The following SORBS2 variants were observed in gnomAD, a reference collection of about 807,000 sequenced individuals.
SORBS2 encodes sorbin and SH3 domain-containing protein 2.
SORBS2 carries 46 observed loss-of-function variants against 97.7 expected under a neutral mutation model. That is an observed-to-expected ratio of 0.47 (90% CI 0.37 to 0.60). SORBS2 has a LOEUF of 0.60. SORBS2 is among the 20% of genes least tolerant of loss of function. SORBS2 has a pLI of 0.00. For missense variants in SORBS2, 1,316 were observed against 1,282.3 expected, an observed-to-expected ratio of 1.03 and a Z score of -0.40; for synonymous variants, 476 against 473.4, an observed-to-expected ratio of 1.01 and a Z score of -0.07.
chr4:185,753,128 A>G (rs1371943868), intron 2 of SORBS2, among the ~76,000 whole-genome samples: 2 of 152,266 alleles, frequency 1.3e-5, no homozygotes, highest in Non-Finnish European at 2.9e-5. Flanking sequence ...GAGGAAGTGC[A>G]TTCAGTGCAG....
intron 1 of SORBS2, among the ~76,000 whole-genome samples, chr4:185,886,628 T>C (rs2099239806): frequency 6.6e-6 from 1 of 151,140 alleles, no homozygotes. Context: ...GGTCTGGTTC[T>C]GCTCTGCTAT....
intron 1 of SORBS2, among the ~76,000 whole-genome samples, chr4:185,890,409 A>G (rs1319387041): frequency 6.6e-6 from 1 of 152,156 alleles, no homozygotes; most frequent in Non-Finnish European, 1.5e-5. Context: ...TCTTATCCTG[A>G]CAAGAAGACT....
intron 1 of SORBS2, among the ~76,000 whole-genome samples, chr4:185,777,469 C>A (rs1297180619): frequency 1.3e-5 from 2 of 152,026 alleles, no homozygotes; most frequent in East Asian, 3.8e-4. Flanking sequence ...GGGTATAATG[C>A]ATTTAAATAT....
chr4:185,672,070 A>T (rs1260239945), intron 4 of SORBS2, among the ~76,000 whole-genome samples: 2 of 152,242 alleles, frequency 1.3e-5, no homozygotes. Context: ...AGGAAGCCAT[A>T]CTAATGGAAG....
At chr4:185,767,448 C>T (rs1478143929) in intron 2 of SORBS2, among the ~76,000 whole-genome samples, 2 of 133,792 alleles carry the variant, frequency 1.5e-5, no homozygotes, top group Admixed American at 8.5e-5. Flanking sequence ...TGCAGTGAGC[C>T]GAGATCGCGC....
At chr4:185,817,881 T>C (rs1291525444) in intron 1 of SORBS2, among the ~76,000 whole-genome samples, 4 of 152,186 alleles carry the variant, frequency 2.6e-5, no homozygotes. Context: ...GAAGTGCTTC[T>C]GAAATACATG....
chr4:185,697,996 C>T (rs7678901), intron 2 of SORBS2, among the ~76,000 whole-genome samples: 49,991 of 151,966 alleles, frequency 0.33, 9,002 homozygotes, highest in East Asian at 0.49. Context: ...CATACTTAGA[C>T]TTTAAGTAGA....
At chr4:185,598,715 T>C (rs1425417712) in intron 12 of SORBS2, among the ~76,000 whole-genome samples, 1 of 152,180 alleles carries the variant, frequency 6.6e-6, no homozygotes, top group African/African-American at 2.4e-5. Context: ...TCGATGAAAT[T>C]CTCCTAATAA....
rs536488317 is a variant in SORBS2, at chr4:185,676,487, TTAAG to T, written c.-46+1932_-46+1935del. Among the ~76,000 whole-genome samples the T allele has an allele frequency of 1.8e-4, 27 of 152,330 alleles. No individual in the cohort carries two copies. The East Asian group carries it at 3.7e-3, about 21-fold the overall frequency. On this transcript the variant is annotated intron_variant, in intron 4 of 20. Transcript: ENST00000284776. Reference sequence around the variant, plus strand: ...CTAATACACTTTCTGAAATGATAAATTAAGTTTTAGTGAAAATGAATATTGAGTT... The same window carrying T: ...CTAATACACTTTCTGAAATGATAAATTTTTAGTGAAAATGAATATTGAGTT...
chr4:185,638,780 G>A, intron 4 of SORBS2, 97 bp downstream of exon 14: 1 of 1,201,744 alleles, frequency 8.3e-7, no homozygotes, highest in South Asian at 1.9e-5. Flanking sequence ...GTGCGAGCGG[G>A]ACCCGGGGGA....
chr4:185,801,383 G>C (rs2099129639), intron 1 of SORBS2, among the ~76,000 whole-genome samples: 2 of 152,140 alleles, frequency 1.3e-5, no homozygotes. Flanking sequence ...TAATTTTTGA[G>C]GAAACTCTGC....
intron 1 of SORBS2, among the ~76,000 whole-genome samples, chr4:185,805,862 CACA>C (rs1268294566): frequency 6.6e-5 from 10 of 152,316 alleles, no homozygotes; most frequent in Admixed American, 3.9e-4. Flanking sequence ...ACAGTTATAG[CACA>C]ACAACAGCTG....
rs2099153884 is a variant in SORBS2, at chr4:185,806,434, C to CTGTTTT, written c.-337-31069_-337-31068insAAAACA. Among the ~76,000 whole-genome samples the CTGTTTT allele has an allele frequency of 1.0e-3, 110 of 108,150 alleles. 46 individuals are homozygous for CTGTTTT. Among genetic ancestry groups the CTGTTTT allele is most frequent in the African/African-American group, 2.7e-3 (75 of 27,296 alleles). The allele number at this position is 108,150 out of a possible 152,430, so 71.0% of individuals were successfully genotyped here. A position where few individuals can be genotyped will look rare whatever the true frequency, so the allele number is the denominator to read the frequency against. The stretch of plus-strand genomic sequence containing the variant: ...AGTGGCACAGCTCTTGGCTAGAATC[C>CTGTTTT]TATTTTTTTTTTTTTTTTTTTTTTT... On this transcript the variant is annotated intron_variant, in intron 1 of 20. Coordinates refer to the SORBS2 transcript ENST00000284776.
chr4:185,932,396 C>T (rs959721091), intron 1 of SORBS2, among the ~76,000 whole-genome samples: 1 of 151,374 alleles, frequency 6.6e-6, no homozygotes, highest in African/African-American at 2.4e-5. Context: ...GCAGAAGTGG[C>T]GTGATTCGAT....
At chr4:185,751,190 A>AAAAAAAAAAAAAAAAGAAAAG in intron 2 of SORBS2, among the ~76,000 whole-genome samples, 1 of 86,426 alleles carries the variant, frequency 1.2e-5, no homozygotes, top group Non-Finnish European at 2.5e-5. Flanking sequence ...AAAAAAAAAA[A>AAAAAAAAAAAAAAAAGAAAAG]AGAGAAAGAG....
intron 1 of SORBS2, among the ~76,000 whole-genome samples, chr4:185,931,994 C>G (rs1188196961): frequency 6.6e-6 from 1 of 151,654 alleles, no homozygotes; most frequent in Non-Finnish European, 1.5e-5. Context: ...CTCTCTCTCT[C>G]TCTCTCTCTA....
intron 1 of SORBS2, among the ~76,000 whole-genome samples, chr4:185,821,531 C>A (rs573663224): frequency 4.6e-5 from 7 of 152,304 alleles, no homozygotes; most frequent in Admixed American, 2.0e-4. Context: ...TCAAGGGATT[C>A]TCCTGCCTCA....
intron 2 of SORBS2, among the ~76,000 whole-genome samples, chr4:185,746,018 A>AACTAC: frequency 6.6e-6 from 1 of 152,358 alleles, no homozygotes; most frequent in South Asian, 2.1e-4. Context: ...GAAGCAGCAG[A>AACTAC]AGAAATAATA....
chr4:185,660,551 G>A (rs142146655), upstream of SORBS2, among the ~76,000 whole-genome samples: 9 of 152,302 alleles, frequency 5.9e-5, no homozygotes, highest in Non-Finnish European at 1.0e-4. Context: ...AAGTCCCGCG[G>A]CTACCTTTAA....
Sources: gnomAD v4.1 joint callset for allele counts (sites outside exome capture counted in the v4.1 genomes callset) on GRCh38, gnomAD v4.1.1 for gene constraint, MANE v1.5 for transcripts, NCBI Gene and HGNC (gene_info 2026-07-23, HGNC 2026-07-21) for gene names.